VSTM2B: variants seen among roughly 807,000 people sequenced by gnomAD.
VSTM2B encodes V-set and transmembrane domain-containing protein 2B.
Under a neutral mutation model 24.0 loss-of-function variants are expected in VSTM2B, and 24 were observed. That is an observed-to-expected ratio of 1.00 (90% confidence interval 0.72 to 1.40). The LOEUF is 1.40. Among genes scored for constraint, VSTM2B ranks in the 40% most tolerant of loss-of-function variants. The pLI, the probability that VSTM2B is intolerant of heterozygous loss-of-function variation, is 0.00. For missense variants in VSTM2B, 399 were observed against 416.4 expected (o/e 0.96, Z 0.36); for synonymous variants, 226 against 194.4 (o/e 1.16, Z -1.35).
intron 4 of VSTM2B, among the ~76,000 whole-genome samples, chr19:29,545,994 C>T (rs1006728856): frequency 1.3e-5 from 2 of 152,120 alleles, no homozygotes; most frequent in African/African-American, 4.8e-5. Flanking sequence ...GCTGCCCCCG[C>T]CCAGGTGAGA....
intron 4 of VSTM2B, among the ~76,000 whole-genome samples, chr19:29,540,107 G>C (rs1969988595): frequency 6.6e-6 from 1 of 152,224 alleles, no homozygotes; most frequent in Non-Finnish European, 1.5e-5. Context: ...AATGCCGCTT[G>C]GCCCAGAGGA....
intron 4 of VSTM2B, among the ~76,000 whole-genome samples, chr19:29,537,058 G>A (rs117602975): frequency 3.4e-3 from 518 of 152,116 alleles, no homozygotes; most frequent in South Asian, 0.011. Flanking sequence ...CTATCACCAG[G>A]CATCTCTTGT....
chr19:29,530,396 A>G (rs1256563190), intron 4 of VSTM2B, 106 bp downstream of exon 4: 4 of 1,011,860 alleles, frequency 4.0e-6, no homozygotes, highest in Non-Finnish European at 5.4e-6. Flanking sequence ...CCCTGGGCGC[A>G]TTTGCATATG....
At chr19:29,543,491 C>T (rs965240427) in intron 4 of VSTM2B, among the ~76,000 whole-genome samples, 2 of 152,098 alleles carry the variant, frequency 1.3e-5, no homozygotes, top group African/African-American at 4.8e-5. Flanking sequence ...GAAAGGACTG[C>T]TGTTAGGTCC....
intron 2 of VSTM2B, 41 bp from the exon 3 acceptor site, chr19:29,528,392 G>A (rs1208544315): frequency 1.3e-6 from 2 of 1,551,006 alleles, no homozygotes; most frequent in South Asian, 1.2e-5. Flanking sequence ...TAGCCAGAAG[G>A]CCGCGAGCCT....
chr19:29,552,417 T>C (rs980823966), intron 4 of VSTM2B, among the ~76,000 whole-genome samples: 14 of 152,266 alleles, frequency 9.2e-5, no homozygotes, highest in African/African-American at 3.1e-4. Flanking sequence ...GCAAGACCCA[T>C]GGAGAGCAAG....
chr19:29,548,435 C>T (rs2053592316), intron 4 of VSTM2B, among the ~76,000 whole-genome samples: 1 of 152,218 alleles, frequency 6.6e-6, no homozygotes, highest in Non-Finnish European at 1.5e-5. Flanking sequence ...GCTTCTGCCC[C>T]AGTTACAGTA....
chr19:29,546,670 G>GCCCCCCCCCCCC (rs201235419), intron 4 of VSTM2B, among the ~76,000 whole-genome samples: 4 of 150,320 alleles, frequency 2.7e-5, no homozygotes, highest in Admixed American at 6.6e-5. Flanking sequence ...CCGCTGGGGA[G>GCCCCCCCCCCCC]CCCCCACCCC....
At chr19:29,546,409 C>T (rs1434518602) in intron 4 of VSTM2B, among the ~76,000 whole-genome samples, 2 of 152,236 alleles carry the variant, frequency 1.3e-5, no homozygotes, top group African/African-American at 4.8e-5. Flanking sequence ...CACCTACCCA[C>T]TGTGTGACCT....
intron 4 of VSTM2B, among the ~76,000 whole-genome samples, chr19:29,530,846 G>C (rs79235755): frequency 0.038 from 5,796 of 152,208 alleles, 274 homozygotes; most frequent in African/African-American, 0.11. Context: ...GCCCTAGGCA[G>C]CAGCTCTGCA....
chr19:29,533,893 G>A (rs982520635), intron 4 of VSTM2B, among the ~76,000 whole-genome samples: 2 of 152,226 alleles, frequency 1.3e-5, no homozygotes, highest in African/African-American at 4.8e-5. Context: ...AGCTGCAGAG[G>A]GAGCTCGGGG....
At chr19:29,538,171 C>A (rs1048264586) in intron 4 of VSTM2B, among the ~76,000 whole-genome samples, 1 of 152,136 alleles carries the variant, frequency 6.6e-6, no homozygotes, top group African/African-American at 2.4e-5. Context: ...CCCTTCATAC[C>A]CTAAGTATTA....
At position 29,538,646 on chromosome 19, in the gene VSTM2B, A is replaced by G. The variant is rs146831515; in HGVS notation, c.769+8356A>G. 5.6e-3 allele frequency among the ~76,000 whole-genome samples: 846 copies of G among 152,314 alleles called. 9 individuals are homozygous for G. Among genetic ancestry groups the G allele is most frequent in the African/African-American group, 0.019 (808 of 41,552 alleles). On this transcript the variant is annotated intron_variant, in intron 4 of 4. Coordinates refer to ENST00000335523, the MANE Select transcript of VSTM2B (RefSeq NM_001146339.2). ...GTTCTGCAGGCTGTGCAAGCAAGGC[A>G]CCAGCATCTACTTGGCTTCTGGTGA...
intron 1 of VSTM2B, 141 bp from the exon 2 acceptor site, chr19:29,527,070 C>A: frequency 1.3e-6 from 1 of 751,990 alleles, no homozygotes; most frequent in Non-Finnish European, 2.1e-6. Flanking sequence ...ACTTTGCTAG[C>A]CCCTCCGGCC....
rs566311696 is a variant in VSTM2B, at chr19:29,540,437, T to C, written c.769+10147T>C. On this transcript the variant is annotated intron_variant, in intron 4 of 4. Coordinates refer to ENST00000335523, the MANE Select transcript of VSTM2B (RefSeq NM_001146339.2). ...GGTGGGCTGGTAGTTGGGAGAAGAC[T>C]TCCTGATCCTGCAGCCAAAGGAGTT... 7.2e-5 allele frequency among the ~76,000 whole-genome samples: 11 copies of C among 152,324 alleles called. No individual in the cohort carries two copies. The East Asian group carries it at 7.7e-4, about 11-fold the overall frequency.
chr19:29,550,427 GTCAA>G (rs754729959), intron 4 of VSTM2B, among the ~76,000 whole-genome samples: 5 of 152,128 alleles, frequency 3.3e-5, no homozygotes, highest in African/African-American at 7.2e-5. Context: ...ATGAGACCCT[GTCAA>G]TCAATCAGTC....
rs186517076 is a variant in VSTM2B at position 29,550,538 on chromosome 19, A to G, written c.770-13308A>G. Among the ~76,000 whole-genome samples the G allele has an allele frequency of 5.4e-4, 82 of 152,262 alleles. 1 individual carries two copies. Among genetic ancestry groups the G allele is most frequent in the Non-Finnish European group, 1.0e-3 (71 of 68,018 alleles). On this transcript the variant is annotated intron_variant, in intron 4 of 4. Coordinates refer to ENST00000335523, the MANE Select transcript of VSTM2B (RefSeq NM_001146339.2). The stretch of plus-strand genomic sequence containing the variant: ...GGAGGGACCTGTCTGTGAGACCTCC[A>G]TGGTTGTCCTCATGGTAGAATATCC...
At chr19:29,536,721 G>A (rs1969899146) in intron 4 of VSTM2B, among the ~76,000 whole-genome samples, 1 of 152,098 alleles carries the variant, frequency 6.6e-6, no homozygotes, top group African/African-American at 2.4e-5. Flanking sequence ...TGGAGTGGTA[G>A]CCCCCAAGAA....
intron 4 of VSTM2B, among the ~76,000 whole-genome samples, chr19:29,540,588 CT>C (rs1443043256): frequency 6.6e-6 from 1 of 152,228 alleles, no homozygotes; most frequent in African/African-American, 2.4e-5. Context: ...GACAGCAGGC[CT>C]GGTTCATTCT....
Sources: gnomAD v4.1 joint callset for allele counts (sites outside exome capture counted in the v4.1 genomes callset) on GRCh38, gnomAD v4.1.1 for gene constraint, MANE v1.5 for transcripts, NCBI Gene and HGNC (gene_info 2026-07-23, HGNC 2026-07-21) for gene names.